KIAA1549: variants seen among roughly 807,000 people sequenced by gnomAD.
KIAA1549 encodes KIAA1549, also known as UPF0606 protein KIAA1549.
KIAA1549 carries 70 observed loss-of-function variants against 156.4 expected under a neutral mutation model. The observed-to-expected ratio is 0.45, with a 90% confidence interval of 0.37 to 0.55. The LOEUF (loss-of-function observed/expected upper bound fraction) is 0.55. Among genes scored for constraint, KIAA1549 ranks in the 20% least tolerant of loss-of-function variants. The pLI is 0.00. For synonymous variants in KIAA1549, 1,103 were observed against 1,066.4 expected, an observed-to-expected ratio of 1.03 and a Z score of -0.67; for missense variants, 2,428 against 2,540.9, an observed-to-expected ratio of 0.96 and a Z score of 0.96.
intron 12 of KIAA1549, among the ~76,000 whole-genome samples, chr7:138,877,008 G>A (rs377175391): frequency 1.7e-4 from 26 of 152,206 alleles, no homozygotes; most frequent in Non-Finnish European, 3.2e-4. Context: ...TGGGACAGTC[G>A]TCAACAGCCT....
chr7:138,863,623 G>A (rs139761690), intron 15 of KIAA1549, among the ~76,000 whole-genome samples: 91 of 152,136 alleles, frequency 6.0e-4, no homozygotes, highest in African/African-American at 2.2e-3. Context: ...TCAGATTTCT[G>A]GGTTCTCTTG....
chr7:138,867,781 C>A (rs1405506490), intron 15 of KIAA1549, among the ~76,000 whole-genome samples, 194 bp downstream of exon 15: 1 of 152,170 alleles, frequency 6.6e-6, no homozygotes, highest in Non-Finnish European at 1.5e-5. Context: ...GCACTCAAGT[C>A]TCCCCTCAGA....
chr7:138,909,848 CAGGCAAGAGAA>C (rs1812116693), intron 4 of KIAA1549, among the ~76,000 whole-genome samples: 1 of 151,902 alleles, frequency 6.6e-6, no homozygotes, highest in African/African-American at 2.4e-5. Flanking sequence ...TCAGGAGGCT[CAGGCAAGAGAA>C]TTGCCTGAGC....
In KIAA1549 at chr7:138,832,190, CCTTTT is replaced by C. The variant is rs772433603; in HGVS notation, c.*5711_*5715del. 1,156 of 170,006 alleles carry C rather than the reference CCTTTT, an allele frequency of 6.8e-3. 40 individuals carry two copies. Among genetic ancestry groups the C allele is most frequent in the African/African-American group, 0.036 (1,088 of 30,144 alleles). 10.5% of individuals were successfully genotyped at this position (170,006 alleles called of 1,614,324 possible). A position where few individuals can be genotyped will look rare whatever the true frequency, so the allele number is the denominator to read the frequency against. Reference sequence around the variant, plus strand: ...TTCACCTCTGTCCCTTTTACCTATTCCTTTTTTTTTTTTTTTTTTTTCCAGAGACA... The same window carrying C: ...TTCACCTCTGTCCCTTTTACCTATTCTTTTTTTTTTTTTTTTCCAGAGACA... On this transcript the variant is annotated 3_prime_UTR_variant, in exon 20 of 20. Transcript: ENST00000422774.
chr7:138,840,015 C>T lies in KIAA1549; in HGVS notation c.5598+118G>A, dbSNP rs1486902416. The T allele has an allele frequency of 4.7e-6, 4 of 859,782 alleles. No homozygotes were observed. In the Admixed American group the frequency reaches 8.8e-5, roughly 19 times the overall value. 53.3% of individuals were successfully genotyped at this position (859,782 alleles called of 1,614,324 possible). A position where few individuals can be genotyped will look rare whatever the true frequency, so the allele number is the denominator to read the frequency against. ...CTACATTGGCCAGGCTGGTCTCAAACTCCTGACTTCGTGATCCGCCCGCCT... is the reference window on the plus strand; with the variant it reads ...CTACATTGGCCAGGCTGGTCTCAAATTCCTGACTTCGTGATCCGCCCGCCT... On this transcript the variant is annotated intron_variant, in intron 19 of 19. Transcript: ENST00000422774.
intron 4 of KIAA1549, among the ~76,000 whole-genome samples, chr7:138,909,849 A>AG (rs1444003007): frequency 3.0e-4 from 46 of 152,256 alleles, no homozygotes; most frequent in African/African-American, 1.1e-3. Flanking sequence ...CAGGAGGCTC[A>AG]GGCAAGAGAA....
intron 1 of KIAA1549, among the ~76,000 whole-genome samples, chr7:138,976,707 T>A (rs1814391390): frequency 6.6e-6 from 1 of 152,206 alleles, no homozygotes. Flanking sequence ...TTGGACCACA[T>A]CCCTTGCAGA....
intron 17 of KIAA1549, among the ~76,000 whole-genome samples, chr7:138,846,042 T>C (rs1810063476): frequency 6.6e-6 from 1 of 152,214 alleles, no homozygotes; most frequent in Non-Finnish European, 1.5e-5. Context: ...TCTATATATT[T>C]CCTCTTTTGT....
intron 1 of KIAA1549, among the ~76,000 whole-genome samples, chr7:138,937,952 A>G (rs906072890): frequency 3.3e-5 from 5 of 152,144 alleles, no homozygotes; most frequent in African/African-American, 9.7e-5. Flanking sequence ...GCTCTGCCGC[A>G]GTCAGGAGGG....
At chr7:138,849,895 C>T (rs915452852) in intron 17 of KIAA1549, among the ~76,000 whole-genome samples, 3 of 152,118 alleles carry the variant, frequency 2.0e-5, no homozygotes, top group Admixed American at 6.5e-5. Flanking sequence ...GACATGATTT[C>T]GCTCTTTTTT....
At chr7:138,909,153 T>C in intron 4 of KIAA1549, 32 bp from the exon 5 acceptor site, 1 of 1,593,824 alleles carries the variant, frequency 6.3e-7, no homozygotes, top group Middle Eastern at 1.7e-4. Flanking sequence ...GTCCCATAAA[T>C]GAGGTGTTTG....
chr7:138,953,085 G>T (rs1813546554), intron 1 of KIAA1549, among the ~76,000 whole-genome samples: 1 of 152,232 alleles, frequency 6.6e-6, no homozygotes, highest in South Asian at 2.1e-4. Flanking sequence ...GCTGGGCACG[G>T]TGGCTCATGC....
chr7:138,920,127 C>T (rs1812517427), intron 1 of KIAA1549, among the ~76,000 whole-genome samples: 1 of 48,398 alleles, frequency 2.1e-5, no homozygotes, highest in Admixed American at 1.6e-4. Context: ...CACTCTCTGG[C>T]CTCCATGGCT....
chr7:138,930,447 C>G (rs1475125809), intron 1 of KIAA1549, among the ~76,000 whole-genome samples: 2 of 152,264 alleles, frequency 1.3e-5, no homozygotes, highest in African/African-American at 4.8e-5. Context: ...ACATCTTCTC[C>G]TAGAAGGCTG....
At chr7:138,935,789 G>A (rs112819090) in intron 1 of KIAA1549, among the ~76,000 whole-genome samples, 1,678 of 152,214 alleles carry the variant, frequency 0.011, 24 homozygotes, top group African/African-American at 0.037. Context: ...GCCTTAATTC[G>A]GCTCTAAATT....
At chr7:138,903,492 C>T (rs1811900600) in intron 8 of KIAA1549, 96 bp downstream of exon 8, 3 of 1,264,408 alleles carry the variant, frequency 2.4e-6, no homozygotes. Context: ...TTCTCATTTG[C>T]ATAAAAATAC....
rs1284577387 is a variant in KIAA1549 at position 138,861,202 on chromosome 7, C to T, written c.5184G>A (p.Glu1728=). The T allele has an allele frequency of 6.2e-7, 1 of 1,613,670 alleles. No individual in the cohort carries two copies. The highest frequency in any genetic ancestry group is 1.3e-5 in the African/African-American group (1 of 74,946). ...AGGACCCCCACTGGGTGGCTCGCCT[C>T]TCTTCCTGGGAAGGGGTGCTGTTTG... ...LPANSTPSQE[E]RRATQWGSFY... Residue 1728 remains glutamate, a synonymous_variant, in exon 16 of 20, where the codon GAG becomes GAA. Transcript: ENST00000422774.
chr7:138,957,136 AC>A (rs1813688742), intron 1 of KIAA1549, among the ~76,000 whole-genome samples: 1 of 152,220 alleles, frequency 6.6e-6, no homozygotes, highest in African/African-American at 2.4e-5. Context: ...GGGGCATAAA[AC>A]AGTTCAACGC....
intron 1 of KIAA1549, among the ~76,000 whole-genome samples, chr7:138,928,471 G>A (rs141420141): frequency 6.6e-6 from 1 of 151,898 alleles, no homozygotes; most frequent in Non-Finnish European, 1.5e-5. Context: ...ATTTTTAATA[G>A]AGACAGTGTT....
Sources: gnomAD v4.1 joint callset for allele counts (sites outside exome capture counted in the v4.1 genomes callset) on GRCh38, gnomAD v4.1.1 for gene constraint, MANE v1.5 for transcripts, NCBI Gene and HGNC (gene_info 2026-07-23, HGNC 2026-07-21) for gene names.